Variants in GALNT18 observed in about 807,000 individuals in gnomAD.
GALNT18 encodes polypeptide N-acetylgalactosaminyltransferase 18.
A neutral mutation model predicts 69.5 loss-of-function variants in GALNT18; 44 were observed. The observed-to-expected ratio is 0.63, with a 90% CI of 0.50 to 0.81. GALNT18 has a LOEUF of 0.81. Among genes scored for constraint, GALNT18 ranks in the 40% least tolerant of loss-of-function variants. GALNT18 has a pLI of 0.00. For missense variants in GALNT18, 715 were observed against 810.0 expected, an observed-to-expected ratio of 0.88 and a Z score of 1.42; for synonymous variants, 364 against 318.2, an observed-to-expected ratio of 1.14 and a Z score of -1.53.
chr11:11,420,929 T>G (rs552314808), intron 3 of GALNT18, among the ~76,000 whole-genome samples: 18 of 152,164 alleles, frequency 1.2e-4, no homozygotes, highest in Admixed American at 7.2e-4. Context: ...TTTTTTTTTG[T>G]ATTTGATTCC....
At position 11,523,542 on chromosome 11, in the gene GALNT18, A is replaced by AC. The variant is rs1857447761; in HGVS notation, c.236-74607dup. 6.6e-6 allele frequency among the ~76,000 whole-genome samples: 1 copy of AC among 151,800 alleles called. No homozygotes were observed. Among genetic ancestry groups the AC allele is most frequent in the African/African-American group, 2.4e-5 (1 of 41,294 alleles). On this transcript the variant is annotated intron_variant, in intron 1 of 10. Transcript: ENST00000227756. This position sits in a 1 kb window ranked among gnomAD's most constrained non-coding sequence, Gnocchi z 4.3. ...AGACCATCTTGGCTAACACAGTGAA[A>AC]CCCCGTCTCTACTAAAAATACAAAA...
intron 9 of GALNT18, among the ~76,000 whole-genome samples, chr11:11,324,890 C>T (rs1220750464): frequency 6.6e-6 from 1 of 152,144 alleles, no homozygotes; most frequent in African/African-American, 2.4e-5. Flanking sequence ...GTGTGGAACA[C>T]TTTTACACTG....
At chr11:11,455,265 T>C (rs1215421220) in intron 1 of GALNT18, among the ~76,000 whole-genome samples, 1 of 152,206 alleles carries the variant, frequency 6.6e-6, no homozygotes, top group Non-Finnish European at 1.5e-5. Context: ...CCTATCCTCA[T>C]ATAGCATCCA....
At position 11,496,082 on chromosome 11, in the gene GALNT18, C is replaced by T. The variant is rs1019789310; in HGVS notation, c.236-47146G>A. Reference sequence around the variant, plus strand: ...GAAGAACAAGTAACTTGTCTAAGGACACACAGCAAAGAATAAGAGCCAGGA... The same window carrying T: ...GAAGAACAAGTAACTTGTCTAAGGATACACAGCAAAGAATAAGAGCCAGGA... On this transcript the variant is annotated intron_variant, in intron 1 of 10. Transcript: ENST00000227756. This position sits in a 1 kb window ranked among gnomAD's most constrained non-coding sequence, Gnocchi z 4.0. Among the ~76,000 whole-genome samples the T allele has an allele frequency of 3.3e-5, 5 of 152,210 alleles. No homozygotes were observed. Among genetic ancestry groups the T allele is most frequent in the Admixed American group, 1.3e-4 (2 of 15,284 alleles).
At chr11:11,365,200 T>C (rs1258373258) in intron 6 of GALNT18, among the ~76,000 whole-genome samples, 2 of 152,118 alleles carry the variant, frequency 1.3e-5, no homozygotes, top group African/African-American at 4.8e-5. Context: ...TCTGTGTCCA[T>C]GTGTTCTCAG....
chr11:11,285,680 C>T (rs750978086), intron 10 of GALNT18, among the ~76,000 whole-genome samples: 13 of 152,178 alleles, frequency 8.5e-5, no homozygotes, highest in South Asian at 4.1e-4. Context: ...ATTAAATACT[C>T]GATTATTGTC....
chr11:11,585,655 C>T (rs1361533138), intron 1 of GALNT18, among the ~76,000 whole-genome samples: 1 of 152,008 alleles, frequency 6.6e-6, no homozygotes, highest in Non-Finnish European at 1.5e-5. Flanking sequence ...CGCGCCCGGC[C>T]GAAAAATCTT....
rs1220567974 is a variant in GALNT18, at chr11:11,463,918, AG to A, written c.236-14983del. On this transcript the variant is annotated intron_variant, in intron 1 of 10. Coordinates refer to ENST00000227756, the MANE Select transcript of GALNT18 (RefSeq NM_198516.3). The surrounding 1 kb of genome is among the most constrained non-coding windows in gnomAD (Gnocchi z 4.2). ...AAACCGTCATGCTCATGATTTTGAA[AG>A]GGGGAAAAATTAGTCCTTTCCATCT... is the stretch of plus-strand genomic sequence containing the variant. 2.0e-5 allele frequency among the ~76,000 whole-genome samples: 3 copies of A among 152,340 alleles called. No individual in the cohort carries two copies. Among genetic ancestry groups the A allele is most frequent in the Admixed American group, 6.5e-5 (1 of 15,300 alleles).
At chr11:11,433,732 CT>C (rs1472126633) in intron 2 of GALNT18, among the ~76,000 whole-genome samples, 1 of 152,196 alleles carries the variant, frequency 6.6e-6, no homozygotes, top group Non-Finnish European at 1.5e-5. Flanking sequence ...CAAGCATAGT[CT>C]TTATGGGCAG....
chr11:11,533,137 A>C (rs1857692392), intron 1 of GALNT18, among the ~76,000 whole-genome samples: 1 of 152,058 alleles, frequency 6.6e-6, no homozygotes, highest in Non-Finnish European at 1.5e-5. Context: ...AGAAAATGTT[A>C]CAGCTGTCTG....
Position 11,281,795 on chromosome 11 carries a change from G to A in GALNT18, c.1678-10505C>T, listed in dbSNP as rs191194008. Reference sequence around the variant, plus strand: ...TGCCTGAAGGGATGTGGGAAGGATGGATCACGGCCAAGAGTGGGGTTGGGG... The same window carrying A: ...TGCCTGAAGGGATGTGGGAAGGATGAATCACGGCCAAGAGTGGGGTTGGGG... On this transcript the variant is annotated intron_variant, in intron 10 of 10. Transcript: ENST00000227756. 1.1e-4 allele frequency among the ~76,000 whole-genome samples: 17 copies of A among 152,236 alleles called. No homozygotes were observed. The East Asian group carries it at 3.1e-3, about 28-fold the overall frequency.
chr11:11,410,379 C>T (rs574428315), intron 3 of GALNT18, among the ~76,000 whole-genome samples: 16 of 151,990 alleles, frequency 1.1e-4, no homozygotes, highest in Non-Finnish European at 1.9e-4. Context: ...TCAGATCCTG[C>T]GGTCGGGGGA....
intron 9 of GALNT18, among the ~76,000 whole-genome samples, chr11:11,294,650 T>TAACA (rs1849364512): frequency 1.3e-5 from 2 of 151,668 alleles, no homozygotes; most frequent in Admixed American, 1.3e-4. Flanking sequence ...TGTGTTTCAT[T>TAACA]AACACATCAT....
At chr11:11,407,107 A>T (rs569512373) in intron 3 of GALNT18, among the ~76,000 whole-genome samples, 1 of 152,360 alleles carries the variant, frequency 6.6e-6, no homozygotes, top group African/African-American at 2.4e-5. Context: ...TTAAACCAGC[A>T]GATTGCCAAG....
rs1859707138 is a variant in GALNT18 at position 11,604,753 on chromosome 11, C to T, written c.235+16606G>A. Among the ~76,000 whole-genome samples the T allele has an allele frequency of 6.6e-6, 1 of 152,120 alleles. No individual in the cohort carries two copies. The highest frequency in any genetic ancestry group is 6.5e-5 in the Admixed American group (1 of 15,274). On this transcript the variant is annotated intron_variant, in intron 1 of 10. Coordinates refer to ENST00000227756, the MANE Select transcript of GALNT18 (RefSeq NM_198516.3). This position sits in a 1 kb window ranked among gnomAD's most constrained non-coding sequence, Gnocchi z 5.6. ...CTTTTCTGCCCCAGGGAAGAATCAG[C>T]CTCAATGACAGTTTGGTATTAACTA...
At chr11:11,330,149 G>A (rs936142956) in intron 8 of GALNT18, among the ~76,000 whole-genome samples, 8 of 152,122 alleles carry the variant, frequency 5.3e-5, no homozygotes, top group Non-Finnish European at 1.2e-4. Flanking sequence ...AGGCCTGCAG[G>A]AGTCATTAAT....
chr11:11,485,238 T>C (rs1206301001), intron 1 of GALNT18, among the ~76,000 whole-genome samples: 1 of 152,282 alleles, frequency 6.6e-6, no homozygotes, highest in South Asian at 2.1e-4. Flanking sequence ...CCATCTACCA[T>C]TGGTTGAGGG....
In GALNT18 at chr11:11,601,401, G is replaced by C. The variant is rs991635083; in HGVS notation, c.235+19958C>G. 6.6e-6 allele frequency among the ~76,000 whole-genome samples: 1 copy of C among 152,202 alleles called. No individual in the cohort carries two copies. Among genetic ancestry groups the C allele is most frequent in the Non-Finnish European group, 1.5e-5 (1 of 68,042 alleles). On this transcript the variant is annotated intron_variant, in intron 1 of 10. Coordinates refer to ENST00000227756, the MANE Select transcript of GALNT18 (RefSeq NM_198516.3). The surrounding 1 kb of genome is among the most constrained non-coding windows in gnomAD (Gnocchi z 4.0). ...ACCTTAGGCATGTGCACAGTGTCCT[G>C]ATTCTCCCTATCGAACCCCCTAGGA...
intron 9 of GALNT18, among the ~76,000 whole-genome samples, chr11:11,311,958 G>A (rs1437124702): frequency 1.3e-5 from 2 of 152,176 alleles, no homozygotes; most frequent in African/African-American, 4.8e-5. Flanking sequence ...AAATCCATGT[G>A]TAAGTTTCCT....
Sources: gnomAD v4.1 joint callset for allele counts (sites outside exome capture counted in the v4.1 genomes callset) on GRCh38, gnomAD v4.1.1 for gene constraint, Gnocchi (gnomAD v3.1) non-coding constraint, MANE v1.5 for transcripts, NCBI Gene and HGNC (gene_info 2026-07-23, HGNC 2026-07-21) for gene names.